The following PALM2AKAP2 variants were observed in gnomAD, a reference collection of about 807,000 sequenced individuals.
The protein encoded by PALM2AKAP2 is PALM2 and AKAP2 fusion, also known as PALM2-AKAP2 fusion protein.
Under a neutral mutation model 71.5 loss-of-function variants are expected in PALM2AKAP2, and 37 were observed. The ratio of observed to expected loss-of-function variants is 0.52; its 90% CI spans 0.40 to 0.68. The LOEUF (loss-of-function observed/expected upper bound fraction) is 0.68, where lower values mean the gene tolerates loss of function less well. Ranked by LOEUF, PALM2AKAP2 falls within the 30% of genes least tolerant of loss-of-function variation. The pLI, the probability that PALM2AKAP2 is intolerant of heterozygous loss-of-function variation, is 0.00. For synonymous variants in PALM2AKAP2, 468 were observed against 478.8 expected (o/e 0.98, Z 0.29); for missense variants, 1,224 against 1,191.8 (o/e 1.03, Z -0.40).
intron 1 of PALM2AKAP2, among the ~76,000 whole-genome samples, chr9:109,693,557 C>T (rs1827928002): frequency 6.6e-6 from 1 of 151,826 alleles, no homozygotes; most frequent in Admixed American, 6.6e-5. Context: ...TGATTTTAAA[C>T]TTATCTTCTC....
At chr9:109,703,508 A>C (rs1828095867) in intron 1 of PALM2AKAP2, among the ~76,000 whole-genome samples, 2 of 152,152 alleles carry the variant, frequency 1.3e-5, no homozygotes, top group African/African-American at 4.8e-5. Context: ...TATAATGGCA[A>C]AATTTTTGGC....
intron 1 of PALM2AKAP2, among the ~76,000 whole-genome samples, chr9:109,682,756 G>A (rs1002308800): frequency 4.6e-5 from 7 of 152,176 alleles, no homozygotes; most frequent in Admixed American, 6.5e-5. Flanking sequence ...GAGAGATAAC[G>A]TCGTTGGCGA....
intron 1 of PALM2AKAP2, among the ~76,000 whole-genome samples, chr9:109,659,500 A>G (rs1827358579): frequency 6.6e-6 from 1 of 152,056 alleles, no homozygotes; most frequent in South Asian, 2.1e-4. Context: ...TTTCGTATAA[A>G]TGGAATAACA....
intron 1 of PALM2AKAP2, among the ~76,000 whole-genome samples, chr9:109,789,113 G>A (rs1466751581): frequency 6.6e-6 from 1 of 152,226 alleles, no homozygotes; most frequent in Non-Finnish European, 1.5e-5. Context: ...GGGATTGACT[G>A]ACTGAAACTA....
chr9:109,904,268 G>A (rs551189303), intron 3 of PALM2AKAP2, among the ~76,000 whole-genome samples: 144 of 152,220 alleles, frequency 9.5e-4, no homozygotes, highest in African/African-American at 3.4e-3. Context: ...CAGCATGAAA[G>A]GTGTTTAGAT....
exon 2 of PALM2AKAP2, chr9:110,138,368 C>A: frequency 6.2e-7 from 1 of 1,614,224 alleles, no homozygotes; most frequent in Non-Finnish European, 8.5e-7. Context: ...GCCTTTCAAG[C>A]TGAGGTCCAG....
At chr9:109,748,421 G>T (rs931970132) in intron 1 of PALM2AKAP2, among the ~76,000 whole-genome samples, 1 of 152,150 alleles carries the variant, frequency 6.6e-6, no homozygotes, top group Non-Finnish European at 1.5e-5. Context: ...AACATGAGGC[G>T]ATAGGAGCAG....
intron 1 of PALM2AKAP2, among the ~76,000 whole-genome samples, chr9:110,049,235 ATCTCCTGCCCC>A: frequency 6.6e-6 from 1 of 152,164 alleles, no homozygotes; most frequent in East Asian, 1.9e-4. Flanking sequence ...TCGTGGCCGC[ATCTCCTGCCCC>A]GGGAGCACCG....
At chr9:109,847,586 A>T (rs1828898075) in intron 1 of PALM2AKAP2, 1 of 152,256 alleles carries the variant, frequency 6.6e-6, no homozygotes, top group South Asian at 2.1e-4. Flanking sequence ...CTAAAAATAC[A>T]AAAAAGTAGC....
chr9:110,030,507 T>G (rs1272587987), intron 7 of PALM2AKAP2, among the ~76,000 whole-genome samples: 1 of 151,766 alleles, frequency 6.6e-6, no homozygotes, highest in African/African-American at 2.4e-5. Context: ...TGAGGGGAGG[T>G]CAGAGAGACC....
intron 1 of PALM2AKAP2, among the ~76,000 whole-genome samples, chr9:109,841,368 G>T (rs1482401780): frequency 1.3e-5 from 2 of 148,752 alleles, no homozygotes; most frequent in Non-Finnish European, 3.0e-5. Flanking sequence ...GCCTGTTGTG[G>T]GGTGGGGGTA....
chr9:109,971,741 A>G (rs555899903), intron 6 of PALM2AKAP2, among the ~76,000 whole-genome samples: 3 of 152,270 alleles, frequency 2.0e-5, no homozygotes, highest in South Asian at 2.1e-4. Flanking sequence ...ACATTGTTGC[A>G]GAGTGTAAAA....
At chr9:110,070,521 C>T (rs1361349342) in intron 1 of PALM2AKAP2, among the ~76,000 whole-genome samples, 2 of 152,164 alleles carry the variant, frequency 1.3e-5, no homozygotes, top group Admixed American at 6.5e-5. Flanking sequence ...TTCTTTCAGT[C>T]GATCCTCTCA....
rs772068592 is a variant in PALM2AKAP2, at chr9:110,137,902, G to A, written c.1932G>A (p.Thr644=). 8.1e-6 allele frequency: 13 copies of A among 1,614,020 alleles called. No individual in the cohort carries two copies. In the African/African-American group the frequency reaches 9.3e-5, roughly 12 times the overall value. ...ATGGTTTCTATTCCCCTTCCTCCAC[G>A]CTGGGGGACTCTCCGTTGGTTGATG... Residue 644 remains threonine, a synonymous_variant, in exon 2 of 4, where the codon ACG becomes ACA. Coordinates refer to ENST00000374525, the Ensembl canonical transcript of PALM2AKAP2.
chr9:109,920,228 C>T (rs1830795538), intron 3 of PALM2AKAP2, among the ~76,000 whole-genome samples: 1 of 152,156 alleles, frequency 6.6e-6, no homozygotes, highest in South Asian at 2.1e-4. Flanking sequence ...CGGCCAGTGC[C>T]AAGGGACTGG....
intron 6 of PALM2AKAP2, among the ~76,000 whole-genome samples, chr9:109,977,335 C>G (rs978216758): frequency 2.6e-5 from 4 of 152,210 alleles, no homozygotes; most frequent in Non-Finnish European, 5.9e-5. Flanking sequence ...TTGTCCTTTT[C>G]TCTGACACTT....
At chr9:109,980,566 T>C (rs1320205096) in intron 6 of PALM2AKAP2, among the ~76,000 whole-genome samples, 1 of 152,162 alleles carries the variant, frequency 6.6e-6, no homozygotes, top group Non-Finnish European at 1.5e-5. Context: ...CCCTGACTTC[T>C]CGCTAGAAGG....
At chr9:109,718,154 C>T (rs1271400983) in intron 1 of PALM2AKAP2, among the ~76,000 whole-genome samples, 1 of 152,108 alleles carries the variant, frequency 6.6e-6, no homozygotes, top group East Asian at 1.9e-4. Context: ...GATCTTGGCT[C>T]ACTGCAGCCT....
At chr9:109,931,517 G>A (rs1831101087) in intron 5 of PALM2AKAP2, among the ~76,000 whole-genome samples, 2 of 152,262 alleles carry the variant, frequency 1.3e-5, no homozygotes, top group East Asian at 1.9e-4. Flanking sequence ...CTTTATTTCC[G>A]GTTCAGAGAA....
Sources: allele counts gnomAD v4.1 joint callset (sites outside exome capture counted in the v4.1 genomes callset), GRCh38; gene constraint gnomAD v4.1.1; transcripts MANE v1.5; gene names NCBI Gene and HGNC (gene_info 2026-07-23, HGNC 2026-07-21).